The following SSBP2 variants were observed in gnomAD, a reference collection of about 807,000 sequenced individuals.
The protein encoded by SSBP2 is single stranded DNA binding protein 2.
SSBP2 carries 17 observed loss-of-function variants against 61.8 expected under a neutral mutation model. The observed-to-expected ratio is 0.28, with a 90% confidence interval of 0.19 to 0.41. The LOEUF (loss-of-function observed/expected upper bound fraction) is 0.41. Among genes scored for constraint, SSBP2 ranks in the 10% least tolerant of loss-of-function variants. The pLI is 1.00. For synonymous variants in SSBP2, 139 were observed against 141.3 expected, an observed-to-expected ratio of 0.98 and a Z score of 0.12; for missense variants, 310 against 458.7, an observed-to-expected ratio of 0.68 and a Z score of 2.96.
intron 5 of SSBP2, among the ~76,000 whole-genome samples, chr5:81,503,347 G>A (rs1049939178): frequency 2.6e-5 from 4 of 152,002 alleles, no homozygotes; most frequent in Non-Finnish European, 5.9e-5. Context: ...CCAGCTACTC[G>A]GGAGGCTGAG....
chr5:81,530,505 TG>T (rs1161969324), intron 4 of SSBP2, among the ~76,000 whole-genome samples: 1 of 152,004 alleles, frequency 6.6e-6, no homozygotes. Context: ...CAACCCCATT[TG>T]TTTTTTTTTT....
intron 1 of SSBP2, among the ~76,000 whole-genome samples, chr5:81,664,272 G>C (rs538405992): frequency 2.6e-5 from 4 of 151,564 alleles, no homozygotes; most frequent in African/African-American, 9.7e-5. Flanking sequence ...ATGGGCATTT[G>C]CCACCATGCC....
chr5:81,493,764 A>T (rs1014190702), intron 5 of SSBP2, among the ~76,000 whole-genome samples: 2 of 144,802 alleles, frequency 1.4e-5, no homozygotes, highest in East Asian at 3.9e-4. Flanking sequence ...TCAAAAAAAA[A>T]AATAAAATAA....
At chr5:81,706,828 A>G (rs1342830673) in intron 1 of SSBP2, among the ~76,000 whole-genome samples, 2 of 152,026 alleles carry the variant, frequency 1.3e-5, no homozygotes, top group African/African-American at 2.4e-5. Context: ...TCCTTCAGAG[A>G]CTCTTCTATC....
At chr5:81,560,017 TTC>T (rs1347204929) in intron 4 of SSBP2, among the ~76,000 whole-genome samples, 1 of 152,190 alleles carries the variant, frequency 6.6e-6, no homozygotes, top group Non-Finnish European at 1.5e-5. Flanking sequence ...CACAATATAA[TTC>T]TCACAATCAA....
intron 1 of SSBP2, among the ~76,000 whole-genome samples, chr5:81,700,884 T>A (rs1203320534): frequency 2.6e-5 from 4 of 152,206 alleles, no homozygotes; most frequent in African/African-American, 9.6e-5. Flanking sequence ...TTTAAGGGAA[T>A]GTTGTGGCCA....
At chr5:81,436,232 A>G (rs1762671410) in intron 15 of SSBP2, among the ~76,000 whole-genome samples, 1 of 151,532 alleles carries the variant, frequency 6.6e-6, no homozygotes, top group Non-Finnish European at 1.5e-5. Flanking sequence ...GAGCCAACAC[A>G]ATCATGGTAA....
At chr5:81,729,632 C>T (rs1186175448) in intron 1 of SSBP2, among the ~76,000 whole-genome samples, 4 of 152,116 alleles carry the variant, frequency 2.6e-5, no homozygotes, top group African/African-American at 9.7e-5. Flanking sequence ...GTATTTAACA[C>T]TATGAGTATT....
chr5:81,423,430 C>G (rs1484350729), intron 16 of SSBP2, among the ~76,000 whole-genome samples: 1 of 152,054 alleles, frequency 6.6e-6, no homozygotes, highest in Non-Finnish European at 1.5e-5. Flanking sequence ...CAGAAAGGAC[C>G]TCAAAGGAAA....
At chr5:81,548,375 G>C (rs57520696) in intron 4 of SSBP2, among the ~76,000 whole-genome samples, 6,413 of 152,140 alleles carry the variant, frequency 0.042, 443 homozygotes, top group African/African-American at 0.14. Context: ...GGGTATATGG[G>C]AAACCTCTGA....
At chr5:81,650,190 T>A in intron 2 of SSBP2, 77 bp downstream of exon 2, 2 of 1,076,120 alleles carry the variant, frequency 1.9e-6, no homozygotes, top group Non-Finnish European at 2.7e-6. Flanking sequence ...CAAACTTTTT[T>A]CAAATAATTA....
chr5:81,682,389 T>C (rs1463227172), intron 1 of SSBP2, among the ~76,000 whole-genome samples: 1 of 152,048 alleles, frequency 6.6e-6, no homozygotes, highest in Non-Finnish European at 1.5e-5. Context: ...CATTCAAAAA[T>C]CAAATAGTAT....
chr5:81,503,984 A>C (rs1446163333), intron 5 of SSBP2, among the ~76,000 whole-genome samples: 2 of 152,150 alleles, frequency 1.3e-5, no homozygotes, highest in Non-Finnish European at 2.9e-5. Context: ...GGCCTACTTG[A>C]GGGTGGAAGG....
At chr5:81,743,583 C>A (rs1347550758) in intron 1 of SSBP2, among the ~76,000 whole-genome samples, 1 of 152,188 alleles carries the variant, frequency 6.6e-6, no homozygotes, top group Non-Finnish European at 1.5e-5. Flanking sequence ...ATCTTCCTTG[C>A]TAAAGATCCC....
chr5:81,476,998 A>ATGTG (rs760728020), intron 6 of SSBP2, among the ~76,000 whole-genome samples: 2 of 150,594 alleles, frequency 1.3e-5, no homozygotes, highest in South Asian at 4.2e-4. Context: ...GTGTGTGTGT[A>ATGTG]TGTGTGTGTG....
intron 1 of SSBP2, among the ~76,000 whole-genome samples, chr5:81,746,773 C>T (rs1217936567): frequency 2.0e-5 from 3 of 152,012 alleles, no homozygotes; most frequent in Non-Finnish European, 4.4e-5. Context: ...AAATAAAAGT[C>T]GGTATATATT....
chr5:81,736,645 T>C (rs1756645141), intron 1 of SSBP2, among the ~76,000 whole-genome samples: 1 of 152,202 alleles, frequency 6.6e-6, no homozygotes, highest in Admixed American at 6.5e-5. Flanking sequence ...TAAATTTTTC[T>C]TCTTGGAATA....
chr5:81,477,386 C>T (rs1561446954), intron 6 of SSBP2, among the ~76,000 whole-genome samples: 2 of 152,292 alleles, frequency 1.3e-5, no homozygotes, highest in Non-Finnish European at 1.5e-5. Flanking sequence ...ATCAATTCAA[C>T]AACTCCAATT....
chr5:81,456,051 A>C (rs538436687), intron 10 of SSBP2, among the ~76,000 whole-genome samples: 1 of 152,328 alleles, frequency 6.6e-6, no homozygotes, highest in East Asian at 1.9e-4. Flanking sequence ...AAATAAGGGA[A>C]GATAATATCA....
Sources: allele counts gnomAD v4.1 joint callset (sites outside exome capture counted in the v4.1 genomes callset), GRCh38; gene constraint gnomAD v4.1.1; transcripts MANE v1.5; gene names NCBI Gene and HGNC (gene_info 2026-07-23, HGNC 2026-07-21).